Variants in CDH12 observed in about 807,000 individuals in gnomAD.
CDH12 encodes the protein cadherin 12.
CDH12 carries 41 observed loss-of-function variants against 74.1 expected under a neutral mutation model. The ratio of observed to expected loss-of-function variants is 0.55; its 90% confidence interval spans 0.43 to 0.72. CDH12 has a LOEUF of 0.72. Among genes scored for constraint, CDH12 ranks in the 30% least tolerant of loss-of-function variants. The pLI, the probability that CDH12 is intolerant of heterozygous loss-of-function variation, is 0.00. For missense variants in CDH12, 945 were observed against 977.2 expected, an observed-to-expected ratio of 0.97 and a Z score of 0.44; for synonymous variants, 399 against 355.0, an observed-to-expected ratio of 1.12 and a Z score of -1.39.
chr5:22,827,886 GTTC>G (rs150785436), intron 1 of CDH12, among the ~76,000 whole-genome samples: 2,575 of 152,150 alleles, frequency 0.017, 72 homozygotes, highest in African/African-American at 0.06. Context: ...ATTTTATTCT[GTTC>G]TTCTTTGAGT....
chr5:22,432,517 CTA>C (rs1211550802), intron 2 of CDH12, among the ~76,000 whole-genome samples: 1 of 151,894 alleles, frequency 6.6e-6, no homozygotes, highest in East Asian at 1.9e-4. Flanking sequence ...ATATTTGAGA[CTA>C]TGTATACACA....
intron 5 of CDH12, among the ~76,000 whole-genome samples, chr5:21,977,450 A>G (rs1436933697): frequency 2.0e-5 from 3 of 152,154 alleles, no homozygotes; most frequent in African/African-American, 7.2e-5. Context: ...CAAAAGCTCA[A>G]TGCAAAAGGC....
chr5:22,094,517 CTAT>C (rs1392998999), intron 4 of CDH12, among the ~76,000 whole-genome samples: 1 of 151,986 alleles, frequency 6.6e-6, no homozygotes, highest in African/African-American at 2.4e-5. Context: ...AGGACAGAAA[CTAT>C]CGTAACAGTA....
At chr5:22,403,700 G>A (rs895682431) in intron 3 of CDH12, among the ~76,000 whole-genome samples, 11 of 152,114 alleles carry the variant, frequency 7.2e-5, no homozygotes, top group Admixed American at 2.0e-4. Flanking sequence ...CCAAGAAGCC[G>A]GAGACTATGA....
At chr5:22,213,577 C>T (rs1364633908) in intron 3 of CDH12, 1 of 152,156 alleles carries the variant, frequency 6.6e-6, no homozygotes, top group Non-Finnish European at 1.5e-5. Context: ...CATCCGTCAT[C>T]CGCTCTTTCT....
At chr5:22,537,515 A>G (rs1737904814) in intron 1 of CDH12, among the ~76,000 whole-genome samples, 2 of 152,102 alleles carry the variant, frequency 1.3e-5, no homozygotes, top group Non-Finnish European at 2.9e-5. Context: ...TAAATCACAA[A>G]TAACATCTCC....
chr5:22,229,390 A>G (rs1169441941), intron 3 of CDH12, among the ~76,000 whole-genome samples: 1 of 150,686 alleles, frequency 6.6e-6, no homozygotes, highest in East Asian at 2.0e-4. Flanking sequence ...ATTAAGAATA[A>G]CATAGGATTT....
chr5:22,469,337 G>C (rs1006236558), intron 2 of CDH12, among the ~76,000 whole-genome samples: 2 of 152,194 alleles, frequency 1.3e-5, no homozygotes, highest in Non-Finnish European at 2.9e-5. Context: ...CAAAAGCAAA[G>C]TGTTGGCAGG....
chr5:22,634,369 T>C (rs774899326), intron 1 of CDH12, among the ~76,000 whole-genome samples: 1 of 152,034 alleles, frequency 6.6e-6, no homozygotes, highest in Non-Finnish European at 1.5e-5. Flanking sequence ...AAGACACAAA[T>C]AGGTTCAAAG....
intron 4 of CDH12, among the ~76,000 whole-genome samples, chr5:22,162,284 T>TC (rs1301089358): frequency 6.6e-6 from 1 of 152,094 alleles, no homozygotes; most frequent in Admixed American, 6.6e-5. Context: ...CACCCGTTTC[T>TC]CTCTCTTTGT....
chr5:22,780,881 A>C (rs994580194), intron 1 of CDH12, among the ~76,000 whole-genome samples: 1 of 152,154 alleles, frequency 6.6e-6, no homozygotes, highest in Non-Finnish European at 1.5e-5. Flanking sequence ...TAGTCTGTAA[A>C]TAGTAATTTT....
chr5:22,120,238 A>AGGG (rs760358013), intron 4 of CDH12, among the ~76,000 whole-genome samples: 10 of 152,302 alleles, frequency 6.6e-5, no homozygotes, highest in African/African-American at 2.2e-4. Flanking sequence ...CATAAACACA[A>AGGG]TGTTAATTTT....
intron 1 of CDH12, among the ~76,000 whole-genome samples, chr5:22,633,109 C>A (rs952312824): frequency 1.3e-5 from 2 of 152,004 alleles, no homozygotes; most frequent in African/African-American, 2.4e-5. Flanking sequence ...GTAAAATGAA[C>A]CTTTCAAAAT....
chr5:22,574,866 T>C (rs1739708268), intron 1 of CDH12, among the ~76,000 whole-genome samples: 1 of 152,182 alleles, frequency 6.6e-6, no homozygotes, highest in Non-Finnish European at 1.5e-5. Flanking sequence ...TATTATGTTA[T>C]CAGAGATGAG....
At chr5:21,787,477 T>C (rs1173010439) in intron 10 of CDH12, among the ~76,000 whole-genome samples, 1 of 152,206 alleles carries the variant, frequency 6.6e-6, no homozygotes, top group East Asian at 1.9e-4. Context: ...CATAATTCCA[T>C]TTCACACTGA....
intron 4 of CDH12, among the ~76,000 whole-genome samples, chr5:22,094,396 A>C (rs565977781): frequency 3.9e-5 from 6 of 152,296 alleles, no homozygotes; most frequent in African/African-American, 1.4e-4. Context: ...ACATAATGGT[A>C]TGAGTAGTTT....
intron 11 of CDH12, among the ~76,000 whole-genome samples, chr5:21,765,822 G>A (rs1181650017): frequency 3.9e-5 from 6 of 151,964 alleles, no homozygotes; most frequent in East Asian, 1.9e-4. Flanking sequence ...TGTCATTTAC[G>A]GAATAAAACT....
chr5:22,832,848 G>T (rs1163900404), intron 1 of CDH12, among the ~76,000 whole-genome samples: 5 of 152,024 alleles, frequency 3.3e-5, no homozygotes, highest in African/African-American at 4.8e-5. Context: ...CACTTCAGAG[G>T]CCCAATAATG....
At chr5:22,340,001 A>C (rs1268556535) in intron 3 of CDH12, among the ~76,000 whole-genome samples, 1 of 152,168 alleles carries the variant, frequency 6.6e-6, no homozygotes, top group African/African-American at 2.4e-5. Flanking sequence ...CTATTTTACT[A>C]TCTGTTCAAT....
Sources: gnomAD v4.1 joint callset for allele counts (sites outside exome capture counted in the v4.1 genomes callset) on GRCh38, gnomAD v4.1.1 for gene constraint, MANE v1.5 for transcripts, NCBI Gene and HGNC (gene_info 2026-07-23, HGNC 2026-07-21) for gene names.